Variants in IFTAP observed in about 807,000 individuals in gnomAD.
IFTAP encodes intraflagellar transport associated protein, also known as intraflagellar transport-associated protein.
In IFTAP, 19 loss-of-function variants were observed where a neutral mutation model predicts 19.4. The observed-to-expected ratio is 0.98, with a 90% CI of 0.68 to 1.44. IFTAP has a LOEUF of 1.44. Ranked by LOEUF, IFTAP falls within the 40% of genes most tolerant of loss-of-function variation. The probability of loss-of-function intolerance (pLI) is 0.00; values close to 1 mark genes in which losing one functional copy is unlikely to be tolerated. For missense variants in IFTAP, 240 were observed against 253.6 expected, an observed-to-expected ratio of 0.95 and a Z score of 0.36; for synonymous variants, 85 against 83.5, an observed-to-expected ratio of 1.02 and a Z score of -0.10.
chr11:36,610,009 A>G (rs1851818696), intron 1 of IFTAP, 72 bp from the exon 2 acceptor site: 3 of 1,372,578 alleles, frequency 2.2e-6, no homozygotes, highest in Non-Finnish European at 3.0e-6. Context: ...TTTTCAACCT[A>G]CCCATCCAGA....
chr11:36,637,196 A>G (rs1166103015), intron 4 of IFTAP, among the ~76,000 whole-genome samples: 2 of 152,052 alleles, frequency 1.3e-5, no homozygotes, highest in Non-Finnish European at 2.9e-5. Flanking sequence ...ATAAACCTCT[A>G]CTCTAGCTTC....
At chr11:36,625,906 G>GAACTAAATAATTCTT (rs1279507295) in intron 2 of IFTAP, among the ~76,000 whole-genome samples, 1 of 151,518 alleles carries the variant, frequency 6.6e-6, no homozygotes, top group African/African-American at 2.4e-5. Context: ...AGGGAACAGC[G>GAACTAAATAATTCTT]AGTGCAAAGG....
At chr11:36,656,889 G>A (rs906848512) in intron 5 of IFTAP, among the ~76,000 whole-genome samples, 2 of 152,158 alleles carry the variant, frequency 1.3e-5, no homozygotes, top group East Asian at 1.9e-4. Flanking sequence ...CACAGCAAAC[G>A]GATTTGTCTA....
At chr11:36,623,961 G>A (rs1256565973) in intron 2 of IFTAP, among the ~76,000 whole-genome samples, 1 of 151,752 alleles carries the variant, frequency 6.6e-6, no homozygotes, top group Non-Finnish European at 1.5e-5. Flanking sequence ...AGAAAAAAAT[G>A]TAAAATTATA....
chr11:36,598,677 C>A (rs141201565), intron 1 of IFTAP, among the ~76,000 whole-genome samples: 2 of 152,128 alleles, frequency 1.3e-5, no homozygotes, highest in African/African-American at 4.8e-5. Flanking sequence ...TTATATCAGG[C>A]AGCTACTGAG....
intron 5 of IFTAP, among the ~76,000 whole-genome samples, chr11:36,649,545 G>A (rs1341828702): frequency 6.6e-6 from 1 of 152,024 alleles, no homozygotes; most frequent in Non-Finnish European, 1.5e-5. Context: ...TTTTATTTCA[G>A]TACAATTTGA....
chr11:36,600,688 A>G (rs1326978594), intron 1 of IFTAP, among the ~76,000 whole-genome samples: 2 of 152,240 alleles, frequency 1.3e-5, no homozygotes, highest in African/African-American at 2.4e-5. Context: ...TTCTTCCCAC[A>G]TTCAGCTTTT....
chr11:36,632,953 A>C lies in IFTAP; in HGVS notation c.137-331A>C, dbSNP rs551504263. 2.6e-5 allele frequency among the ~76,000 whole-genome samples: 4 copies of C among 151,260 alleles called. No homozygotes were observed. In the South Asian group the frequency reaches 8.3e-4, roughly 31 times the overall value. ...TACATTGCTTTCATATAAAGAAAAA[A>C]ATCCCTCAAATTTAGAAAAAGATGT... On this transcript the variant is annotated intron_variant, in intron 2 of 5. Transcript: ENST00000334307.
intron 5 of IFTAP, among the ~76,000 whole-genome samples, chr11:36,653,728 C>T (rs1853843013): frequency 6.6e-6 from 1 of 152,148 alleles, no homozygotes; most frequent in Non-Finnish European, 1.5e-5. Flanking sequence ...ACTTATGTGT[C>T]TCCTGTCTTG....
Position 36,648,142 on chromosome 11 carries a change from A to G in IFTAP, c.485A>G (p.Lys162Arg), listed in dbSNP as rs772316834. The change falls in exon 5 of 6, where the codon AAA becomes AGA. Residue 162 changes from lysine (K) to arginine (R), a missense_variant. Lys to Arg is a conservative substitution (Grantham distance 26). Coordinates refer to ENST00000334307, the MANE Select transcript of IFTAP (RefSeq NM_138787.4). ...KPKPSVKRMDKQTEEILGDEV... is the reference protein window; with the variant it reads ...KPKPSVKRMDRQTEEILGDEV... ...AAGCCCAGTGTTAAAAGAATGGACA[A>G]ACAGACGGAAGAGGTACTCCACAGG... 2.5e-6 allele frequency: 4 copies of G among 1,612,842 alleles called. No homozygotes were observed. The highest frequency in any genetic ancestry group is 3.4e-6 in the Non-Finnish European group (4 of 1,179,338).
intron 2 of IFTAP, among the ~76,000 whole-genome samples, chr11:36,618,080 C>G (rs1390237671): frequency 6.6e-6 from 1 of 151,960 alleles, no homozygotes; most frequent in African/African-American, 2.4e-5. Flanking sequence ...TTTTAACTTA[C>G]AGATGAGGAA....
chr11:36,624,004 TA>T (rs890100160), intron 2 of IFTAP, among the ~76,000 whole-genome samples: 16 of 150,092 alleles, frequency 1.1e-4, no homozygotes, highest in Admixed American at 7.3e-4. Flanking sequence ...TGTATATATA[TA>T]TTTTTTTCCT....
rs377590377 is a variant in IFTAP at position 36,610,111 on chromosome 11, C to T, written c.8C>T (p.Ala3Val). 40 of 1,612,810 alleles carry T rather than the reference C, an allele frequency of 2.5e-5. No individual in the cohort carries two copies. In the African/African-American group the frequency reaches 4.8e-4, roughly 19 times the overall value. The change falls in exon 2 of 6, where the codon GCC becomes GTC. Residue 3 changes from alanine to valine, a missense_variant. Transcript: ENST00000334307. ...GTGGCCTCATGAATAGGAATGTCTG[C>T]CCATATGTCAGGATTGGAAATAATG... MSAHMSGLEIMDE... is the reference protein window; with the variant it reads MSVHMSGLEIMDE...
intron 5 of IFTAP, among the ~76,000 whole-genome samples, chr11:36,650,799 T>C (rs1490733696): frequency 6.6e-6 from 1 of 151,782 alleles, no homozygotes; most frequent in African/African-American, 2.4e-5. Flanking sequence ...AGTGAGAACA[T>C]GCGGTGTTTG....
chr11:36,626,431 C>T (rs1055388053), intron 2 of IFTAP, among the ~76,000 whole-genome samples: 3 of 151,198 alleles, frequency 2.0e-5, no homozygotes, highest in African/African-American at 4.9e-5. Context: ...ACTCTTTTTC[C>T]AGCCTGGCAG....
At chr11:36,598,638 T>C (rs927678873) in intron 1 of IFTAP, among the ~76,000 whole-genome samples, 7 of 152,058 alleles carry the variant, frequency 4.6e-5, no homozygotes, top group African/African-American at 1.7e-4. Context: ...AAGGAAGGAG[T>C]TGTAATTATT....
intron 1 of IFTAP, among the ~76,000 whole-genome samples, chr11:36,598,618 C>G (rs1034064072): frequency 3.9e-5 from 6 of 152,124 alleles, no homozygotes; most frequent in African/African-American, 1.4e-4. Flanking sequence ...TTCTTTAATG[C>G]AAGGCTCAGA....
At chr11:36,655,370 A>G (rs1307394201) in intron 5 of IFTAP, among the ~76,000 whole-genome samples, 1 of 151,828 alleles carries the variant, frequency 6.6e-6, no homozygotes, top group Non-Finnish European at 1.5e-5. Flanking sequence ...ATCCCCTCCA[A>G]CTTAGTCTGG....
chr11:36,633,842 C>T (rs1221817179), intron 3 of IFTAP, among the ~76,000 whole-genome samples: 2 of 152,056 alleles, frequency 1.3e-5, no homozygotes, highest in African/African-American at 2.4e-5. Flanking sequence ...TTGTTTTTCT[C>T]TAATATCTGG....
Sources: gnomAD v4.1 joint callset for allele counts (sites outside exome capture counted in the v4.1 genomes callset) on GRCh38, gnomAD v4.1.1 for gene constraint, MANE v1.5 for transcripts, NCBI Gene and HGNC (gene_info 2026-07-23, HGNC 2026-07-21) for gene names.